EPHA7: variants seen among roughly 807,000 people sequenced by gnomAD.
EPHA7 encodes the protein ephrin type-A receptor 7.
In EPHA7, 25 loss-of-function variants were observed where a neutral mutation model predicts 112.6. That is an observed-to-expected ratio of 0.22 (90% CI 0.16 to 0.31). The LOEUF is 0.31. EPHA7 is among the 10% of genes least tolerant of loss of function. The pLI, the probability that EPHA7 is intolerant of heterozygous loss-of-function variation, is 1.00. For synonymous variants in EPHA7, 437 were observed against 406.5 expected (o/e 1.07, Z -0.90); for missense variants, 962 against 1,212.6 (o/e 0.79, Z 3.07).
intron 3 of EPHA7, among the ~76,000 whole-genome samples, chr6:93,364,018 T>A (rs148799849): frequency 6.6e-6 from 1 of 152,264 alleles, no homozygotes; most frequent in African/African-American, 2.4e-5. Flanking sequence ...AGAAAATAGA[T>A]TACCAGTTTT....
intron 11 of EPHA7, 90 bp downstream of exon 11, chr6:93,258,009 T>C: frequency 8.1e-7 from 1 of 1,229,920 alleles, no homozygotes; most frequent in Non-Finnish European, 1.2e-6. Context: ...CTGTGCAACA[T>C]ATTTCATAAT....
chr6:93,287,824 GA>G (rs1772146252), intron 5 of EPHA7, among the ~76,000 whole-genome samples: 1 of 151,904 alleles, frequency 6.6e-6, no homozygotes, highest in African/African-American at 2.4e-5. Flanking sequence ...AAGGCCATAT[GA>G]AAAGATGTTC....
chr6:93,326,312 C>T (rs956629066), intron 5 of EPHA7, among the ~76,000 whole-genome samples: 2 of 151,298 alleles, frequency 1.3e-5, no homozygotes, highest in African/African-American at 4.8e-5. Flanking sequence ...AAAATCACAA[C>T]CCTAATTTCA....
intron 5 of EPHA7, among the ~76,000 whole-genome samples, chr6:93,318,450 T>C (rs898691187): frequency 8.5e-5 from 13 of 152,210 alleles, no homozygotes; most frequent in Admixed American, 2.0e-4. Flanking sequence ...AATTTCTTGA[T>C]GCAGTTTTCA....
rs1777546441 is a variant in EPHA7, at chr6:93,385,331, T to A, written c.832+25170A>T. Among the ~76,000 whole-genome samples, 4 of 152,258 alleles carry A rather than the reference T, an allele frequency of 2.6e-5. No homozygotes were observed. In the South Asian group the frequency reaches 8.3e-4, roughly 32 times the overall value. On this transcript the variant is annotated intron_variant, in intron 3 of 16. Transcript: ENST00000369303. Reference sequence around the variant, plus strand: ...GATATTTACATATTATGTAATACAGTGTGTCTAAATAATCCACCTCTATGT... The same window carrying A: ...GATATTTACATATTATGTAATACAGAGTGTCTAAATAATCCACCTCTATGT...
rs757986575 is a variant in EPHA7 at position 93,254,753 on chromosome 6, T to C, written c.2426A>G (p.Gln809Arg). ...ACTGGCTGATGTGAATTTCCGGTAC[T>C]GGATGGCTTCGGGTGCTGTCCACCT... ...PVRWTAPEAI[Q>R]YRKFTSASDV... Residue 809 changes from glutamine (Q) to arginine (R), a missense_variant, in exon 14 of 17, where the codon CAG (glutamine) becomes CGG (arginine). Gln to Arg is a conservative substitution (Grantham distance 43, BLOSUM62 1). Coordinates refer to ENST00000369303, the MANE Select transcript of EPHA7 (RefSeq NM_004440.4). The C allele has an allele frequency of 9.3e-6, 15 of 1,613,208 alleles. No individual in the cohort carries two copies. The highest frequency in any genetic ancestry group is 3.3e-5 in the Admixed American group (2 of 59,982).
At chr6:93,374,305 C>T (rs1776945359) in intron 3 of EPHA7, among the ~76,000 whole-genome samples, 1 of 152,068 alleles carries the variant, frequency 6.6e-6, no homozygotes, top group South Asian at 2.1e-4. Flanking sequence ...GCACTACAGA[C>T]AAGAATAGAG....
chr6:93,381,796 A>G (rs1777348898), intron 3 of EPHA7, among the ~76,000 whole-genome samples: 1 of 151,752 alleles, frequency 6.6e-6, no homozygotes, highest in African/African-American at 2.4e-5. Flanking sequence ...TTGGAGAGAG[A>G]AATTGATGGC....
intron 14 of EPHA7, among the ~76,000 whole-genome samples, chr6:93,247,983 G>T (rs1770033250): frequency 6.6e-6 from 1 of 151,966 alleles, no homozygotes; most frequent in African/African-American, 2.4e-5. Flanking sequence ...GCAAAGGGAA[G>T]AGAACAAGAA....
At chr6:93,261,367 T>C (rs1295534332) in intron 9 of EPHA7, among the ~76,000 whole-genome samples, 1 of 151,528 alleles carries the variant, frequency 6.6e-6, no homozygotes, top group Non-Finnish European at 1.5e-5. Context: ...CCTGGGAAAA[T>C]TGTCCATGTA....
intron 12 of EPHA7, among the ~76,000 whole-genome samples, chr6:93,256,497 GA>G (rs1770446151): frequency 6.6e-6 from 1 of 152,044 alleles, no homozygotes; most frequent in South Asian, 2.1e-4. Flanking sequence ...GCAAAATGAA[GA>G]GAAACTAAAA....
chr6:93,287,378 T>C (rs902871481), intron 5 of EPHA7, among the ~76,000 whole-genome samples: 1 of 152,146 alleles, frequency 6.6e-6, no homozygotes, highest in African/African-American at 2.4e-5. Flanking sequence ...AAATGAGTTA[T>C]TGATAAGGTT....
chr6:93,292,962 A>G (rs1772458269), intron 5 of EPHA7, among the ~76,000 whole-genome samples: 1 of 152,150 alleles, frequency 6.6e-6, no homozygotes, highest in African/African-American at 2.4e-5. Context: ...CAAAGAGGGT[A>G]AGAAAGATGT....
At chr6:93,345,734 G>C (rs1775372289) in intron 5 of EPHA7, among the ~76,000 whole-genome samples, 1 of 151,690 alleles carries the variant, frequency 6.6e-6, no homozygotes, top group Admixed American at 6.6e-5. Context: ...GATCTTGATA[G>C]TGTTCTCTCC....
intron 3 of EPHA7, among the ~76,000 whole-genome samples, chr6:93,397,637 C>G (rs1778245361): frequency 6.6e-6 from 1 of 151,908 alleles, no homozygotes; most frequent in African/African-American, 2.4e-5. Flanking sequence ...CAATCGATGT[C>G]AACATTCCAT....
intron 3 of EPHA7, among the ~76,000 whole-genome samples, chr6:93,391,568 CAAAG>C: frequency 6.6e-6 from 1 of 151,930 alleles, no homozygotes. Context: ...CCTCCAGTCA[CAAAG>C]AAAAGTTACA....
intron 5 of EPHA7, among the ~76,000 whole-genome samples, chr6:93,304,349 T>G (rs1322474195): frequency 6.6e-6 from 1 of 151,930 alleles, no homozygotes; most frequent in Non-Finnish European, 1.5e-5. Flanking sequence ...CTGTTTGTAT[T>G]TACAAGGTAA....
At chr6:93,418,833 TCCAA>T (rs1165180135) in intron 1 of EPHA7, among the ~76,000 whole-genome samples, 2 of 152,074 alleles carry the variant, frequency 1.3e-5, no homozygotes, top group Non-Finnish European at 2.9e-5. Context: ...TTTCCCAGTC[TCCAA>T]CCCAACTCTG....
At chr6:93,418,528 AGCCCGCTGGGCTGCCGCT>A (rs1562175534) in intron 1 of EPHA7, among the ~76,000 whole-genome samples, 1 of 152,200 alleles carries the variant, frequency 6.6e-6, no homozygotes, top group Non-Finnish European at 1.5e-5. Flanking sequence ...GGCCCGACCA[AGCCCGCTGGGCTGCCGCT>A]GCCCCCATGA....
Sources: gnomAD v4.1 joint callset for allele counts (sites outside exome capture counted in the v4.1 genomes callset) on GRCh38, gnomAD v4.1.1 for gene constraint, MANE v1.5 for transcripts, NCBI Gene and HGNC (gene_info 2026-07-23, HGNC 2026-07-21) for gene names.